PFKFB2: variants seen among roughly 807,000 people sequenced by gnomAD.
PFKFB2 encodes 6-phosphofructo-2-kinase/fructose-2,6-bisphosphatase 2.
A neutral mutation model predicts 68.0 loss-of-function variants in PFKFB2; 53 were observed. The ratio of observed to expected loss-of-function variants is 0.78; its 90% CI spans 0.63 to 0.98. PFKFB2 has a LOEUF of 0.98. Ranked by LOEUF, PFKFB2 falls within the 50% of genes least tolerant of loss-of-function variation. The pLI, the probability that PFKFB2 is intolerant of heterozygous loss-of-function variation, is 0.00. For missense variants in PFKFB2, 451 were observed against 642.0 expected (o/e 0.70, Z 3.22); for synonymous variants, 222 against 227.6 (o/e 0.98, Z 0.22).
chr1:207,049,573 A>G (rs1682683291), upstream of PFKFB2: 1 of 1,614,058 alleles, frequency 6.2e-7, no homozygotes, highest in Non-Finnish European at 8.5e-7. Context: ...GACATAGTAC[A>G]CACTAGTAAA....
intron 1 of PFKFB2, among the ~76,000 whole-genome samples, chr1:207,035,921 T>A (rs920438455): frequency 2.6e-5 from 4 of 152,204 alleles, no homozygotes; most frequent in Non-Finnish European, 5.9e-5. Context: ...TGACTCATTA[T>A]TAACAATAGA....
upstream of PFKFB2, chr1:207,052,034 A>C (rs745733474): frequency 4.5e-6 from 3 of 659,724 alleles, no homozygotes; most frequent in South Asian, 1.9e-5. Context: ...CTGAATTTAT[A>C]TCTCTCTTTT....
intron 10 of PFKFB2, 101 bp from the exon 11 acceptor site, chr1:207,069,323 A>T: frequency 1.3e-6 from 1 of 787,914 alleles, no homozygotes; most frequent in Non-Finnish European, 2.2e-6. Flanking sequence ...CCTGGCACGT[A>T]CTAAGAAACT....
upstream of PFKFB2, chr1:207,053,056 T>C (rs1682800300): frequency 6.6e-6 from 1 of 152,244 alleles, no homozygotes; most frequent in Admixed American, 6.5e-5. Flanking sequence ...CAAGCAACAG[T>C]GCCACCAGGC....
chr1:207,068,405 C>A, intron 10 of PFKFB2, 96 bp downstream of exon 10: 1 of 1,084,354 alleles, frequency 9.2e-7, no homozygotes, highest in Non-Finnish European at 1.3e-6. Flanking sequence ...TAGGAAACTA[C>A]AACCAACAAG....
intron 10 of PFKFB2, among the ~76,000 whole-genome samples, chr1:207,068,945 C>T (rs1336106544): frequency 2.0e-5 from 3 of 152,136 alleles, no homozygotes; most frequent in Admixed American, 2.0e-4. Context: ...TGGGGTTTCA[C>T]CATCTTGGCC....
chr1:207,070,213 CCAGCCACTGACTTGGCTGCCAG>C lies in PFKFB2; in HGVS notation c.1093-65_1093-44del, dbSNP rs1021764353. 46 of 1,593,384 alleles carry C rather than the reference CCAGCCACTGACTTGGCTGCCAG, an allele frequency of 2.9e-5. 1 individual carries two copies. The African/African-American group carries it at 5.5e-4, about 19-fold the overall frequency. ...AGAAGTGGCCCTTAGTCTCCAAGGT[CCAGCCACTGACTTGGCTGCCAG>C]CTTGCACCTGGGCTCCTGCCAGCCT... On this transcript the variant is annotated intron_variant, in intron 11 of 14. Transcript: ENST00000367080. The surrounding 1 kb of genome is among the most constrained non-coding windows in gnomAD (Gnocchi z 4.2).
rs1444828968 is a variant in PFKFB2 at position 207,061,067 on chromosome 1, ATATATATCTT to A, written c.86-868_86-859del. ...ATATATATATTTTATATATATCTTT[ATATATATCTT>A]TATATATCTTTATATATATCTTTAT... is the stretch of plus-strand genomic sequence containing the variant. On this transcript the variant is annotated intron_variant, in intron 2 of 14. Transcript: ENST00000367080. 5.7e-3 allele frequency: 305 copies of A among 53,650 alleles called. 2 individuals are homozygous for A. The highest frequency in any genetic ancestry group is 0.015 in the African/African-American group (248 of 16,040). The allele number at this position is 53,650 out of a possible 1,614,324, so 3.3% of individuals were successfully genotyped here. A position where few individuals can be genotyped will look rare whatever the true frequency, so the allele number is the denominator to read the frequency against.
At position 207,074,118 on chromosome 1, in the gene PFKFB2, G is replaced by A; in HGVS notation, c.*1747G>A. The stretch of plus-strand genomic sequence containing the variant: ...CTGGGATCTGGGTCTGGACATGCAT[G>A]TATTTAAGTAGCTTCCCGGATGATT... On this transcript the variant is annotated 3_prime_UTR_variant, in exon 15 of 15. Transcript: ENST00000367080. 1 of 906,656 alleles carries A rather than the reference G, an allele frequency of 1.1e-6. No homozygotes were observed. Among genetic ancestry groups the A allele is most frequent in the Non-Finnish European group, 1.3e-6 (1 of 768,286 alleles). The allele number at this position is 906,656 out of a possible 1,614,324, so 56.2% of individuals were successfully genotyped here.
chr1:207,050,904 T>G, upstream of PFKFB2: 1 of 1,606,410 alleles, frequency 6.2e-7, no homozygotes, highest in Non-Finnish European at 8.5e-7. Context: ...ATCGTGTCGG[T>G]CCGGCTGCCC....
rs544982731 is a variant in PFKFB2, at chr1:207,057,370, C to T, written c.85+2568C>T. Among the ~76,000 whole-genome samples the T allele has an allele frequency of 8.3e-5, 12 of 145,200 alleles. No homozygotes were observed. In the South Asian group the frequency reaches 2.0e-3, roughly 24 times the overall value. ...GCGGGCGCCTGTAGTCCCAGCTACT[C>T]GGGAAGCTGAGGCAGGAGAATGGCT... On this transcript the variant is annotated intron_variant, in intron 2 of 14. Coordinates refer to ENST00000367080, the MANE Select transcript of PFKFB2 (RefSeq NM_006212.2).
intron 2 of PFKFB2, among the ~76,000 whole-genome samples, chr1:207,057,805 A>G (rs1682974811): frequency 6.6e-6 from 1 of 152,128 alleles, no homozygotes; most frequent in African/African-American, 2.4e-5. Flanking sequence ...TCTTGTGGAC[A>G]TCCTTTTAAT....
At chr1:207,051,496 G>A (rs939063548), upstream of PFKFB2, among the ~76,000 whole-genome samples, 2 of 152,214 alleles carry the variant, frequency 1.3e-5, no homozygotes, top group Non-Finnish European at 2.9e-5. Context: ...TGGGGTTCCA[G>A]GGGCCAAAAG....
Position 207,062,152 on chromosome 1 carries a change from T to G in PFKFB2, c.211+74T>G. The G allele has an allele frequency of 1.9e-6, 3 of 1,598,540 alleles. No individual in the cohort carries two copies. In the South Asian group the frequency reaches 3.3e-5, roughly 18 times the overall value. On this transcript the variant is annotated intron_variant, in intron 3 of 14. Transcript: ENST00000367080. The stretch of plus-strand genomic sequence containing the variant: ...TCACAGGTCTCTGGGAGACTTATTC[T>G]TCCTGGCATCAATGCTATAGGGTGC...
In PFKFB2 at chr1:207,074,550, A is replaced by G. The variant is rs1485965056; in HGVS notation, c.*2179A>G. 4 of 985,300 alleles carry G rather than the reference A, an allele frequency of 4.1e-6. No homozygotes were observed. Among genetic ancestry groups the G allele is most frequent in the Non-Finnish European group, 4.8e-6 (4 of 829,948 alleles). The allele number at this position is 985,300 out of a possible 1,614,324, so 61.0% of individuals were successfully genotyped here. ...CCCGGGTCCTTTACTCGTATGTCCC[A>G]AGTAGGATACCATAGGCAGCTTCTA... On this transcript the variant is annotated 3_prime_UTR_variant, in exon 15 of 15. Transcript: ENST00000367080.
chr1:207,067,739 G>A (rs1244132752), intron 9 of PFKFB2, 33 bp downstream of exon 9: 1 of 1,542,296 alleles, frequency 6.5e-7, no homozygotes. Flanking sequence ...GGATTTTCTA[G>A]GCTTAGAGTT....
chr1:207,039,350 G>T (rs537864503), intron 1 of PFKFB2, among the ~76,000 whole-genome samples: 1 of 152,246 alleles, frequency 6.6e-6, no homozygotes, highest in African/African-American at 2.4e-5. Context: ...GTAAAATTTT[G>T]TCCATAATTA....
chr1:207,044,421 T>TA (rs1218962626), intron 2 of PFKFB2: 2 of 152,568 alleles, frequency 1.3e-5, no homozygotes, highest in African/African-American at 4.8e-5. Flanking sequence ...TTAAGTAACT[T>TA]ACGGGCTAAT....
At chr1:207,064,174 C>T (rs946379161) in intron 7 of PFKFB2, among the ~76,000 whole-genome samples, 6 of 152,018 alleles carry the variant, frequency 3.9e-5, no homozygotes, top group African/African-American at 4.8e-5. Context: ...CAGCCGGGCA[C>T]GGTGGCTCAT....
Sources: allele counts gnomAD v4.1 joint callset (sites outside exome capture counted in the v4.1 genomes callset), GRCh38; gene constraint gnomAD v4.1.1; non-coding constraint Gnocchi (gnomAD v3.1); transcripts MANE v1.5; gene names NCBI Gene and HGNC (gene_info 2026-07-23, HGNC 2026-07-21).